The following SLC30A8 variants were observed in gnomAD, a reference collection of about 807,000 sequenced individuals.
SLC30A8 encodes proton-coupled zinc antiporter SLC30A8.
A neutral mutation model predicts 36.9 loss-of-function variants in SLC30A8; 27 were observed. The ratio of observed to expected loss-of-function variants is 0.73; its 90% CI spans 0.54 to 1.01. The LOEUF (loss-of-function observed/expected upper bound fraction) is 1.01. Among genes scored for constraint, SLC30A8 ranks in the 50% least tolerant of loss-of-function variants. The probability of loss-of-function intolerance (pLI) is 0.00; values close to 1 mark genes in which losing one functional copy is unlikely to be tolerated. For missense variants in SLC30A8, 439 were observed against 452.0 expected (o/e 0.97, Z 0.26); for synonymous variants, 164 against 172.4 (o/e 0.95, Z 0.38).
At chr8:116,979,257 A>G (rs1381474569) in intron 1 of SLC30A8, among the ~76,000 whole-genome samples, 1 of 151,276 alleles carries the variant, frequency 6.6e-6, no homozygotes, top group African/African-American at 2.4e-5. Flanking sequence ...AAAAAAAAAA[A>G]AAAAAAAGAA....
At chr8:116,980,305 G>T (rs115288743) in intron 1 of SLC30A8, among the ~76,000 whole-genome samples, 258 of 152,268 alleles carry the variant, frequency 1.7e-3, no homozygotes, top group African/African-American at 5.5e-3. Flanking sequence ...GGCCTGAAAT[G>T]GGGAGTCTTG....
chr8:117,148,773 T>A (rs1822022408), intron 2 of SLC30A8, among the ~76,000 whole-genome samples: 1 of 152,190 alleles, frequency 6.6e-6, no homozygotes, highest in African/African-American at 2.4e-5. Flanking sequence ...TTATTTGTGA[T>A]TATTATATGT....
intron 1 of SLC30A8, among the ~76,000 whole-genome samples, chr8:116,985,268 G>T (rs958000889): frequency 6.8e-6 from 1 of 147,394 alleles, no homozygotes; most frequent in Non-Finnish European, 1.5e-5. Context: ...CTAAGTATAT[G>T]CAAGCATGTG....
chr8:117,101,360 T>A (rs536403483), intron 2 of SLC30A8, among the ~76,000 whole-genome samples: 106 of 152,262 alleles, frequency 7.0e-4, no homozygotes, highest in African/African-American at 2.5e-3. Context: ...AGTGTCTCAG[T>A]GTACATAAGC....
chr8:117,124,663 A>G (rs1017794455), intron 2 of SLC30A8, among the ~76,000 whole-genome samples: 1 of 151,892 alleles, frequency 6.6e-6, no homozygotes, highest in Non-Finnish European at 1.5e-5. Context: ...AAAAAAAAAA[A>G]AGATTAGAAA....
At chr8:117,144,849 G>T (rs1451908205) in intron 1 of SLC30A8, among the ~76,000 whole-genome samples, 1 of 152,060 alleles carries the variant, frequency 6.6e-6, no homozygotes, top group Admixed American at 6.6e-5. Context: ...CAGCATGGCT[G>T]GGTTTTGCCA....
At chr8:117,002,482 A>C (rs1563742723) in intron 1 of SLC30A8, among the ~76,000 whole-genome samples, 2 of 152,228 alleles carry the variant, frequency 1.3e-5, no homozygotes, top group African/African-American at 4.8e-5. Context: ...CCCACCATAA[A>C]ATACCTTTAA....
intron 1 of SLC30A8, among the ~76,000 whole-genome samples, chr8:117,032,308 T>C (rs1201372611): frequency 1.3e-5 from 2 of 152,218 alleles, no homozygotes; most frequent in Non-Finnish European, 2.9e-5. Context: ...ATGAGTTCTC[T>C]GAAAACAGGA....
intron 1 of SLC30A8, among the ~76,000 whole-genome samples, chr8:116,953,298 C>T (rs907546891): frequency 6.6e-6 from 1 of 152,040 alleles, no homozygotes; most frequent in African/African-American, 2.4e-5. Context: ...AGGTTGATTC[C>T]ATTTGACAAA....
chr8:116,957,620 A>G (rs922883871), intron 1 of SLC30A8, among the ~76,000 whole-genome samples: 5 of 152,078 alleles, frequency 3.3e-5, no homozygotes, highest in East Asian at 3.9e-4. Context: ...TCCCCCTGCA[A>G]TGGGTCAACA....
intron 1 of SLC30A8, among the ~76,000 whole-genome samples, chr8:117,008,380 A>C (rs1483726284): frequency 6.6e-6 from 1 of 152,196 alleles, no homozygotes; most frequent in African/African-American, 2.4e-5. Context: ...ACAGGAGAGA[A>C]TCCCAAAGAA....
At chr8:117,008,624 A>G (rs1418771833) in intron 1 of SLC30A8, among the ~76,000 whole-genome samples, 1 of 152,154 alleles carries the variant, frequency 6.6e-6, no homozygotes, top group South Asian at 2.1e-4. Flanking sequence ...TGAGGTTGCA[A>G]TGAGTTTATA....
chr8:117,065,777 T>G (rs2130791497), intron 2 of SLC30A8, among the ~76,000 whole-genome samples: 1 of 152,290 alleles, frequency 6.6e-6, no homozygotes, highest in Admixed American at 6.5e-5. Context: ...GAGCTCAGTC[T>G]TGTCTGTATA....
intron 2 of SLC30A8, among the ~76,000 whole-genome samples, chr8:117,119,406 C>T (rs2130896815): frequency 6.6e-6 from 1 of 151,996 alleles, no homozygotes; most frequent in East Asian, 1.9e-4. Context: ...GGAAAGGAGA[C>T]TGCTGGCCAA....
At chr8:116,981,718 C>G (rs1272284757) in intron 1 of SLC30A8, among the ~76,000 whole-genome samples, 1 of 152,144 alleles carries the variant, frequency 6.6e-6, no homozygotes, top group Non-Finnish European at 1.5e-5. Flanking sequence ...GCCTCCCACT[C>G]CATCCATGTT....
chr8:117,034,362 C>G (rs1817146287), intron 1 of SLC30A8, among the ~76,000 whole-genome samples: 1 of 152,220 alleles, frequency 6.6e-6, no homozygotes. Context: ...ACCATTTCCT[C>G]TTTTAACTGT....
chr8:116,983,863 T>TG (rs1491022960), intron 1 of SLC30A8, among the ~76,000 whole-genome samples: 1 of 152,142 alleles, frequency 6.6e-6, no homozygotes, highest in African/African-American at 2.4e-5. Flanking sequence ...CTCATTTGTG[T>TG]TTGTGTGTGT....
At chr8:116,998,357 A>G (rs1376111568) in intron 1 of SLC30A8, among the ~76,000 whole-genome samples, 4 of 152,180 alleles carry the variant, frequency 2.6e-5, no homozygotes, top group African/African-American at 4.8e-5. Flanking sequence ...ACTACAGGAG[A>G]CAGAAGTCCC....
chr8:117,008,135 T>G (rs1816239586), intron 1 of SLC30A8, among the ~76,000 whole-genome samples: 1 of 152,190 alleles, frequency 6.6e-6, no homozygotes, highest in Non-Finnish European at 1.5e-5. Context: ...ATTGCCAACA[T>G]TCCAAGATGA....
Sources: allele counts gnomAD v4.1 joint callset (sites outside exome capture counted in the v4.1 genomes callset), GRCh38; gene constraint gnomAD v4.1.1; transcripts MANE v1.5; gene names NCBI Gene and HGNC (gene_info 2026-07-23, HGNC 2026-07-21).